The following SH3RF3 variants were observed in gnomAD, a reference collection of about 807,000 sequenced individuals.
SH3RF3 encodes E3 ubiquitin-protein ligase SH3RF3.
In SH3RF3, 29 loss-of-function variants were observed where a neutral mutation model predicts 66.3. The observed-to-expected ratio is 0.44, with a 90% CI of 0.33 to 0.60. SH3RF3 has a LOEUF of 0.60. SH3RF3 is among the 20% of genes least tolerant of loss of function. SH3RF3 has a pLI of 0.04. For synonymous variants in SH3RF3, 583 were observed against 532.0 expected (o/e 1.10, Z -1.32); for missense variants, 1,194 against 1,190.9 (o/e 1.00, Z -0.04).
intron 1 of SH3RF3, among the ~76,000 whole-genome samples, chr2:109,142,042 C>CG (rs1676964007): frequency 8.8e-6 from 1 of 113,008 alleles, no homozygotes; most frequent in Non-Finnish European, 2.2e-5. Flanking sequence ...CTTGAGTCTC[C>CG]TGGGGGGGGG....
At position 109,299,202 on chromosome 2, in the gene SH3RF3, C is replaced by T. The variant is rs959595189; in HGVS notation, c.574-48472C>T. Among the ~76,000 whole-genome samples, 5 of 152,236 alleles carry T rather than the reference C, an allele frequency of 3.3e-5. No individual in the cohort carries two copies. The East Asian group carries it at 9.6e-4, about 29-fold the overall frequency. The stretch of plus-strand genomic sequence containing the variant: ...CCTCTGACCACTCCAGTTAAAACTG[C>T]GACCCTGCCTCCCCAAGGACTGCCT... On this transcript the variant is annotated intron_variant, in intron 1 of 9. Transcript: ENST00000309415.
At chr2:109,432,449 C>T in intron 5 of SH3RF3, 52 bp from the exon 6 acceptor site, 2 of 1,603,094 alleles carry the variant, frequency 1.2e-6, no homozygotes, top group Non-Finnish European at 1.7e-6. Flanking sequence ...CCGGCCGGTC[C>T]CCTATCCCCA....
intron 8 of SH3RF3, among the ~76,000 whole-genome samples, chr2:109,470,682 G>C (rs1678480841): frequency 6.6e-6 from 1 of 152,174 alleles, no homozygotes; most frequent in Admixed American, 6.5e-5. Context: ...GGCCGGGGCT[G>C]GTGGAGGATG....
intron 1 of SH3RF3, among the ~76,000 whole-genome samples, chr2:109,200,246 A>G (rs1343244308): frequency 4.0e-5 from 6 of 151,738 alleles, no homozygotes; most frequent in Non-Finnish European, 2.9e-5. Context: ...CCTATCCTGC[A>G]CCTGTAGTTG....
intron 4 of SH3RF3, among the ~76,000 whole-genome samples, chr2:109,400,006 A>T (rs1676261396): frequency 6.6e-6 from 1 of 152,026 alleles, no homozygotes; most frequent in African/African-American, 2.4e-5. Context: ...TGCCCTGGAC[A>T]GGCCTCAGAG....
intron 1 of SH3RF3, among the ~76,000 whole-genome samples, chr2:109,277,044 A>C (rs1558996946): frequency 6.6e-6 from 1 of 152,172 alleles, no homozygotes. Flanking sequence ...AATGGCAGGC[A>C]CCATGCTCTG....
intron 1 of SH3RF3, among the ~76,000 whole-genome samples, chr2:109,341,121 G>A (rs1303933731): frequency 1.3e-5 from 2 of 152,234 alleles, no homozygotes; most frequent in Middle Eastern, 3.4e-3. Context: ...GAATGAGTGT[G>A]CAAATATGGG....
At chr2:109,324,781 G>A (rs1288179004) in intron 1 of SH3RF3, among the ~76,000 whole-genome samples, 1 of 152,142 alleles carries the variant, frequency 6.6e-6, no homozygotes, top group Non-Finnish European at 1.5e-5. Context: ...TCCAGACGGG[G>A]ATAGAGACCA....
chr2:109,358,013 G>A (rs906341003), intron 2 of SH3RF3, among the ~76,000 whole-genome samples: 11 of 152,270 alleles, frequency 7.2e-5, no homozygotes, highest in Middle Eastern at 6.8e-3. Flanking sequence ...TACAAAGTAG[G>A]TTCACTGCCC....
chr2:109,187,859 C>A (rs1678234035), intron 1 of SH3RF3, among the ~76,000 whole-genome samples: 1 of 152,218 alleles, frequency 6.6e-6, no homozygotes, highest in South Asian at 2.1e-4. Flanking sequence ...TCAGCACGGA[C>A]TGGGTGCTCT....
intron 3 of SH3RF3, among the ~76,000 whole-genome samples, chr2:109,391,742 C>T (rs1204796183): frequency 5.9e-5 from 9 of 152,320 alleles, no homozygotes; most frequent in African/African-American, 9.6e-5. Flanking sequence ...GGGAACAGAA[C>T]GGCCACCAAC....
At chr2:109,460,202 C>T (rs916411819) in intron 8 of SH3RF3, among the ~76,000 whole-genome samples, 6 of 152,220 alleles carry the variant, frequency 3.9e-5, no homozygotes, top group African/African-American at 1.4e-4. Flanking sequence ...TTCTGAAGTC[C>T]ATGGATATTC....
chr2:109,461,637 G>A (rs1435074583), intron 8 of SH3RF3, among the ~76,000 whole-genome samples: 310 of 82,172 alleles, frequency 3.8e-3, no homozygotes, highest in African/African-American at 4.7e-3. Flanking sequence ...CCACCTGCCA[G>A]AGGCCCCACG....
intron 9 of SH3RF3, 69 bp downstream of exon 9, chr2:109,491,005 G>T: frequency 1.5e-6 from 2 of 1,352,916 alleles, no homozygotes; most frequent in Non-Finnish European, 1.9e-6. Context: ...AGCCACCTTC[G>T]GGGAGCAGGG....
At chr2:109,139,840 A>T (rs549214765) in intron 1 of SH3RF3, among the ~76,000 whole-genome samples, 16 of 152,302 alleles carry the variant, frequency 1.1e-4, no homozygotes, top group African/African-American at 3.6e-4. Flanking sequence ...CAATGTGTCC[A>T]TTGCTTGGCA....
chr2:109,284,137 T>G (rs999356614), intron 1 of SH3RF3, among the ~76,000 whole-genome samples: 5 of 152,282 alleles, frequency 3.3e-5, no homozygotes, highest in African/African-American at 1.2e-4. Context: ...CCTCAGGTAC[T>G]CAGCCCAGGG....
intron 1 of SH3RF3, among the ~76,000 whole-genome samples, chr2:109,320,378 C>T (rs183185518): frequency 3.3e-5 from 5 of 152,294 alleles, no homozygotes; most frequent in Non-Finnish European, 5.9e-5. Context: ...GCAGGTACAA[C>T]GTTTGATCTC....
At chr2:109,419,020 G>A (rs1676800166) in intron 4 of SH3RF3, among the ~76,000 whole-genome samples, 1 of 152,060 alleles carries the variant, frequency 6.6e-6, no homozygotes, top group African/African-American at 2.4e-5. Context: ...AACCCTTGAA[G>A]CTTGGAGCAC....
chr2:109,129,346 GGCCGGTCCCCGCCACGCA>G lies in SH3RF3; in HGVS notation c.-193_-176del. 1 of 628,010 alleles carries G rather than the reference GGCCGGTCCCCGCCACGCA, an allele frequency of 1.6e-6. No individual in the cohort carries two copies. Among genetic ancestry groups the G allele is most frequent in the Non-Finnish European group, 2.4e-6 (1 of 417,692 alleles). 38.9% of individuals were successfully genotyped at this position (628,010 alleles called of 1,614,324 possible). On this transcript the variant is annotated 5_prime_UTR_variant, in exon 1 of 10. Coordinates refer to ENST00000309415, the MANE Select transcript of SH3RF3 (RefSeq NM_001099289.3). The stretch of plus-strand genomic sequence containing the variant: ...TCGGCTGGCCGGTCCCCGCCACGCA[GGCCGGTCCCCGCCACGCA>G]GGCCGGTCGGTGAGCCACTTCGCAC...
Sources: allele counts gnomAD v4.1 joint callset (sites outside exome capture counted in the v4.1 genomes callset), GRCh38; gene constraint gnomAD v4.1.1; transcripts MANE v1.5; gene names NCBI Gene and HGNC (gene_info 2026-07-23, HGNC 2026-07-21).